SYNE2: variants seen among roughly 807,000 people sequenced by gnomAD.
SYNE2 encodes nesprin-2.
SYNE2 carries 431 observed loss-of-function variants against 856.3 expected under a neutral mutation model. The ratio of observed to expected loss-of-function variants is 0.50; its 90% confidence interval spans 0.47 to 0.55. The LOEUF (loss-of-function observed/expected upper bound fraction) is 0.55, where lower values mean the gene tolerates loss of function less well. SYNE2 is among the 20% of genes least tolerant of loss of function. SYNE2 has a pLI of 0.00. For missense variants in SYNE2, 8,129 were observed against 8,023.2 expected, an observed-to-expected ratio of 1.01 and a Z score of -0.50; for synonymous variants, 2,923 against 2,872.3, an observed-to-expected ratio of 1.02 and a Z score of -0.56.
chr14:63,940,638 A>G lies in SYNE2; in HGVS notation c.104A>G (p.Lys35Arg), dbSNP rs746153972. 7 of 1,614,180 alleles carry G rather than the reference A, an allele frequency of 4.3e-6. No homozygotes were observed. The highest frequency in any genetic ancestry group is 5.9e-6 in the Non-Finnish European group (7 of 1,180,016). Residue 35 changes from lysine (K) to arginine (R), a missense_variant, in exon 3 of 116, where the codon AAA (lysine) becomes AGA (arginine). By Grantham distance (26) the Lys-to-Arg change is conservative. Coordinates refer to ENST00000555002, the MANE Select transcript of SYNE2 (RefSeq NM_182914.3). ...LQAEQEDTQK[K>R]AFTCWINSQL... ...GCTGAACAGGAAGACACCCAGAAGA[A>G]AGCCTTCACGTGCTGGATAAACTCA... is the stretch of plus-strand genomic sequence containing the variant.
chr14:64,222,945 C>A (rs931797100), intron 112 of SYNE2, among the ~76,000 whole-genome samples: 4 of 152,142 alleles, frequency 2.6e-5, no homozygotes, highest in Non-Finnish European at 5.9e-5. Context: ...CTTCTAATTT[C>A]TCCAGCATCA....
intron 1 of SYNE2, among the ~76,000 whole-genome samples, chr14:63,888,923 C>T (rs763913064): frequency 3.9e-5 from 6 of 151,990 alleles, no homozygotes; most frequent in East Asian, 1.9e-4. Flanking sequence ...CAAAGTAGGC[C>T]GGGCGCGGTG....
chr14:63,988,151 A>G, intron 19 of SYNE2, among the ~76,000 whole-genome samples: 1 of 152,138 alleles, frequency 6.6e-6, no homozygotes, highest in East Asian at 1.9e-4. Context: ...TGGCACAACC[A>G]TGGCTCACTC....
At chr14:64,208,306 C>T (rs1378435267) in intron 100 of SYNE2, 2 of 374,046 alleles carry the variant, frequency 5.3e-6, no homozygotes, top group East Asian at 1.4e-4. Context: ...TTGAAGAGTT[C>T]GGTAGCTGAT....
At chr14:64,188,770 C>T in intron 98 of SYNE2, 62 bp downstream of exon 98, 1 of 1,563,100 alleles carries the variant, frequency 6.4e-7, no homozygotes. Context: ...GCCCTCCTCA[C>T]TCCTAAGCCC....
Position 64,105,247 on chromosome 14 carries a change from A to G in SYNE2, c.12493-2244A>G, listed in dbSNP as rs111437734. Among the ~76,000 whole-genome samples the G allele has an allele frequency of 7.9e-3, 1,202 of 152,338 alleles. 14 individuals are homozygous for G. Among genetic ancestry groups the G allele is most frequent in the African/African-American group, 0.027 (1,111 of 41,576 alleles). ...CTGATGACTTTTCCTAAAACCAATC[A>G]TGCGAAACCTCAGCCTAAAATTCTT... On this transcript the variant is annotated intron_variant, in intron 64 of 115. Coordinates refer to ENST00000555002, the MANE Select transcript of SYNE2 (RefSeq NM_182914.3).
chr14:63,815,103 C>G (rs1414174224), intron 1 of SYNE2, among the ~76,000 whole-genome samples: 2 of 96,480 alleles, frequency 2.1e-5, no homozygotes, highest in East Asian at 5.3e-4. Flanking sequence ...CATATATATC[C>G]ACACATATAT....
chr14:64,046,238 C>T (rs1256348576), intron 45 of SYNE2, among the ~76,000 whole-genome samples: 1 of 152,188 alleles, frequency 6.6e-6, no homozygotes, highest in Non-Finnish European at 1.5e-5. Context: ...TATAGAGAAC[C>T]TCAAGTTCTT....
At chr14:63,995,769 A>C (rs1229554231) in intron 23 of SYNE2, among the ~76,000 whole-genome samples, 2 of 121,228 alleles carry the variant, frequency 1.6e-5, no homozygotes, top group Non-Finnish European at 1.8e-5. Flanking sequence ...ATCTATCTAG[A>C]TATATATAAA....
chr14:64,123,099 C>CAA (rs763912787), intron 70 of SYNE2, among the ~76,000 whole-genome samples: 23 of 117,202 alleles, frequency 2.0e-4, no homozygotes, highest in African/African-American at 4.4e-4. Flanking sequence ...AACTGCGTCT[C>CAA]AAAAAAAAAA....
In SYNE2 at chr14:64,219,290, C is replaced by A; in HGVS notation, c.19740C>A (p.Asn6580Lys). The change falls in exon 110 of 116, where the codon AAC (asparagine) becomes AAA (lysine). Residue 6580 changes from asparagine (N) to lysine (K), a missense_variant. Asn to Lys is a moderately conservative substitution (Grantham distance 94). This residue lies in a region of SYNE2 where 5,410 missense variants were observed against 5,284.8 expected (regional missense o/e 1.02). Transcript: ENST00000555002. ...LKIKQNLQQL[N>K]SDISAITTWL... ...TAAAACAAAATTTGCAACAGCTGAA[C>A]TCTGATATCAGCGCCATCACTACTT... 1 of 1,613,932 alleles carries A rather than the reference C, an allele frequency of 6.2e-7. No homozygotes were observed. The highest frequency in any genetic ancestry group is 8.5e-7 in the Non-Finnish European group (1 of 1,180,000).
chr14:63,842,279 C>G (rs1010263165), intron 1 of SYNE2, among the ~76,000 whole-genome samples: 1 of 151,934 alleles, frequency 6.6e-6, no homozygotes, highest in Non-Finnish European at 1.5e-5. Context: ...TCAAGCAATT[C>G]TTGTGACCCA....
chr14:63,875,882 C>T (rs1203929443), intron 1 of SYNE2, among the ~76,000 whole-genome samples: 1 of 152,278 alleles, frequency 6.6e-6, no homozygotes, highest in East Asian at 1.9e-4. Flanking sequence ...CTCTGCAGTT[C>T]TTCAAGGTTC....
chr14:64,001,831 G>T, intron 28 of SYNE2, 103 bp from the exon 29 acceptor site: 1 of 1,263,340 alleles, frequency 7.9e-7, no homozygotes. Context: ...TCTGTTTATT[G>T]GATAATTATT....
intron 32 of SYNE2, among the ~76,000 whole-genome samples, chr14:64,015,650 G>GT (rs1049120593): frequency 1.3e-5 from 2 of 151,422 alleles, no homozygotes; most frequent in Non-Finnish European, 2.9e-5. Flanking sequence ...TATTTTATTG[G>GT]TTTTTTTCCC....
chr14:63,911,042 C>T (rs990540724), intron 2 of SYNE2, among the ~76,000 whole-genome samples: 2 of 152,090 alleles, frequency 1.3e-5, no homozygotes, highest in Non-Finnish European at 1.5e-5. Flanking sequence ...GACTTCTTGG[C>T]GTGGTTCAGG....
At chr14:64,187,230 G>T (rs924931167) in intron 97 of SYNE2, among the ~76,000 whole-genome samples, 2 of 152,110 alleles carry the variant, frequency 1.3e-5, no homozygotes, top group Admixed American at 6.5e-5. Context: ...TAAGAACAGA[G>T]AATTCCAACG....
At chr14:64,183,105 C>T (rs2098468396) in intron 96 of SYNE2, among the ~76,000 whole-genome samples, 1 of 148,156 alleles carries the variant, frequency 6.7e-6, no homozygotes, top group Non-Finnish European at 1.5e-5. Flanking sequence ...CGGAGGGGCT[C>T]CTCACTTCTC....
In SYNE2 at chr14:63,975,803, A is replaced by G. The variant is rs73275801; in HGVS notation, c.1129-760A>G. Reference sequence around the variant, plus strand: ...TAACCATCACATGGTCCTTCTCCACACCAGAAGCTTTCTGTATCTTTATCT... The same window carrying G: ...TAACCATCACATGGTCCTTCTCCACGCCAGAAGCTTTCTGTATCTTTATCT... On this transcript the variant is annotated intron_variant, in intron 11 of 115. Coordinates refer to ENST00000555002, the MANE Select transcript of SYNE2 (RefSeq NM_182914.3). 5.2e-3 allele frequency among the ~76,000 whole-genome samples: 789 copies of G among 152,326 alleles called. 4 individuals are homozygous for G. The highest frequency in any genetic ancestry group is 0.018 in the African/African-American group (750 of 41,572).
Sources: gnomAD v4.1 joint callset for allele counts (sites outside exome capture counted in the v4.1 genomes callset) on GRCh38, gnomAD v4.1.1 for gene constraint, gnomAD v4.1.1 regional missense constraint, MANE v1.5 for transcripts, NCBI Gene and HGNC (gene_info 2026-07-23, HGNC 2026-07-21) for gene names.